HNRNPH1: variants seen among roughly 807,000 people sequenced by gnomAD.
The protein encoded by HNRNPH1 is heterogeneous nuclear ribonucleoprotein H1.
Under a neutral mutation model 58.6 loss-of-function variants are expected in HNRNPH1, and 4 were observed. The ratio of observed to expected loss-of-function variants is 0.07; its 90% confidence interval spans 0.03 to 0.16. The LOEUF (loss-of-function observed/expected upper bound fraction) is 0.16, where lower values mean the gene tolerates loss of function less well. HNRNPH1 is among the 10% of genes least tolerant of loss of function. The pLI is 1.00. For synonymous variants in HNRNPH1, 192 were observed against 189.2 expected, an observed-to-expected ratio of 1.01 and a Z score of -0.12; for missense variants, 271 against 564.2, an observed-to-expected ratio of 0.48 and a Z score of 5.26.
At chr5:179,618,101 C>T in intron 5 of HNRNPH1, 41 bp from the exon 7 acceptor site, 1 of 1,613,568 alleles carries the variant, frequency 6.2e-7, no homozygotes, top group Non-Finnish European at 8.5e-7. Context: ...AACACCTAGA[C>T]AAAGGAACAG....
intron 2 of HNRNPH1, among the ~76,000 whole-genome samples, chr5:179,631,257 A>G (rs1168211693): frequency 1.3e-5 from 2 of 152,156 alleles, no homozygotes; most frequent in Non-Finnish European, 2.9e-5. Flanking sequence ...GTGGTGGGAA[A>G]CTAGGAAAAA....
intron 2 of HNRNPH1, 28 bp from the exon 4 acceptor site, chr5:179,621,063 T>G: frequency 6.2e-7 from 1 of 1,608,566 alleles, no homozygotes; most frequent in Non-Finnish European, 8.5e-7. Context: ...AATTAGTCAC[T>G]TTTGGAAAAT....
chr5:179,630,691 C>T (rs1407703059), intron 2 of HNRNPH1, among the ~76,000 whole-genome samples: 3 of 152,030 alleles, frequency 2.0e-5, no homozygotes, highest in African/African-American at 7.2e-5. Context: ...GTGGGCGGAT[C>T]ACAAGGTCAA....
chr5:179,625,155 A>G (rs948706013), upstream of HNRNPH1, among the ~76,000 whole-genome samples: 1 of 152,174 alleles, frequency 6.6e-6, no homozygotes, highest in African/African-American at 2.4e-5. Flanking sequence ...AACTAGAAGC[A>G]CACACCTGTG....
chr5:179,618,919 A>T (rs1317597651), intron 4 of HNRNPH1: 1 of 166,038 alleles, frequency 6.0e-6, no homozygotes, highest in Admixed American at 6.4e-5. Context: ...TAAAAACAAG[A>T]TCAGAAAGTA....
rs1462778717 is a variant in HNRNPH1, at chr5:179,617,118, G to C, written c.1058-8C>G. On this transcript the variant is annotated splice_region_variant and splice_polypyrimidine_tract_variant and intron_variant, in intron 8 of 12. Coordinates refer to ENST00000356731, the Ensembl canonical transcript of HNRNPH1. Reference sequence around the variant, plus strand: ...GTTCTACATATCTGTGTTCTGAAATGAGAAAAAAAAAGTTTGAAAATGTTT... The same window carrying C: ...GTTCTACATATCTGTGTTCTGAAATCAGAAAAAAAAAGTTTGAAAATGTTT... 4 of 1,608,666 alleles carry C rather than the reference G, an allele frequency of 2.5e-6. No individual in the cohort carries two copies. The highest frequency in any genetic ancestry group is 3.4e-6 in the Non-Finnish European group (4 of 1,178,210).
chr5:179,617,395 GAATT>G (rs1770299257), intron 8 of HNRNPH1, 115 bp downstream of exon 9: 1 of 1,210,366 alleles, frequency 8.3e-7, no homozygotes, highest in African/African-American at 1.5e-5. Context: ...CATCCCCCAA[GAATT>G]AATCTATTAC....
intron 2 of HNRNPH1, among the ~76,000 whole-genome samples, chr5:179,633,206 G>A (rs1774990270): frequency 6.6e-6 from 1 of 151,514 alleles, no homozygotes; most frequent in African/African-American, 2.4e-5. Flanking sequence ...TGGTCATGCT[G>A]GTGTTGAACT....
intron 2 of HNRNPH1, among the ~76,000 whole-genome samples, chr5:179,631,571 C>T (rs1774831599): frequency 6.6e-6 from 1 of 152,082 alleles, no homozygotes; most frequent in East Asian, 1.9e-4. Context: ...CATGGTGAAA[C>T]CCCGCCTCTA....
intron 8 of HNRNPH1, 45 bp from the exon 10 acceptor site, chr5:179,617,155 A>C: frequency 6.4e-7 from 1 of 1,563,442 alleles, no homozygotes; most frequent in Middle Eastern, 1.7e-4. Context: ...TTGGTGAAAC[A>C]AAACAGAATA....
Position 179,617,127 on chromosome 5 carries a change from A to G in HNRNPH1, c.1058-17T>C, listed in dbSNP as rs186118899. The stretch of plus-strand genomic sequence containing the variant: ...ATCTGTGTTCTGAAATGAGAAAAAA[A>G]AAGTTTGAAAATGTTTGTTGGTGAA... On this transcript the variant is annotated splice_polypyrimidine_tract_variant and intron_variant, in intron 8 of 12. Coordinates refer to ENST00000356731, the Ensembl canonical transcript of HNRNPH1. 8 of 1,610,236 alleles carry G rather than the reference A, an allele frequency of 5.0e-6. No homozygotes were observed. In the African/African-American group the frequency reaches 1.1e-4, roughly 21 times the overall value.
intron 12 of HNRNPH1, 182 bp downstream of exon 13, chr5:179,615,364 T>C (rs1471132956): frequency 2.0e-6 from 1 of 503,344 alleles, no homozygotes; most frequent in Non-Finnish European, 3.6e-6. Flanking sequence ...GGGAAGTCTC[T>C]TGCTTTTCCT....
chr5:179,618,230 A>G (rs758650201), exon 5 of HNRNPH1: 3 of 1,614,082 alleles, frequency 1.9e-6, no homozygotes, highest in Admixed American at 3.3e-5. Context: ...CAGGTCTGTC[A>G]TAAGGACCTG....
At chr5:179,633,136 C>T (rs868795518) in intron 2 of HNRNPH1, among the ~76,000 whole-genome samples, 11 of 151,870 alleles carry the variant, frequency 7.2e-5, no homozygotes, top group Admixed American at 2.0e-4. Flanking sequence ...GGATTACAGG[C>T]GTGAGCCACC....
chr5:179,616,256 T>TA (rs1562216389), intron 10 of HNRNPH1, 38 bp from the exon 12 acceptor site: 2 of 1,494,384 alleles, frequency 1.3e-6, no homozygotes, highest in South Asian at 2.3e-5. Flanking sequence ...TTTTTTCTTA[T>TA]GTGATGTGGT....
upstream of HNRNPH1, among the ~76,000 whole-genome samples, chr5:179,626,838 C>T (rs1459400094): frequency 3.4e-5 from 5 of 148,290 alleles, no homozygotes; most frequent in South Asian, 2.1e-4. Flanking sequence ...TACAATGGCG[C>T]GATCTCCGCT....
At chr5:179,616,827 G>T (rs746022870) in intron 10 of HNRNPH1, 42 bp downstream of exon 11, 4 of 1,465,250 alleles carry the variant, frequency 2.7e-6, no homozygotes, top group Non-Finnish European at 3.8e-6. Flanking sequence ...GACTTATACA[G>T]ATATAAACGT....
At chr5:179,617,170 CT>C (rs1340277030) in intron 8 of HNRNPH1, 60 bp from the exon 10 acceptor site, 96 of 1,526,488 alleles carry the variant, frequency 6.3e-5, no homozygotes, top group Non-Finnish European at 8.0e-5. Context: ...AGAATAAGCA[CT>C]TTTATAAAGT....
At position 179,630,746 on chromosome 5, in the gene HNRNPH1, C is replaced by CAAAACATGGTG. The variant is rs1774762248; in HGVS notation, c.-32+3318_-32+3319insCACCATGTTTT. Among the ~76,000 whole-genome samples the CAAAACATGGTG allele has an allele frequency of 1.4e-4, 22 of 152,016 alleles. 1 individual carries two copies. Among genetic ancestry groups the CAAAACATGGTG allele is most frequent in the Admixed American group, 1.4e-3 (22 of 15,260 alleles). ...TCAACATGGTGAAACCCCGTCTCTA[C>CAAAACATGGTG]TAAAAGTACAAAAAATCAGCTGGGT... On this transcript the variant is annotated intron_variant, in intron 2 of 4. Coordinates refer to the HNRNPH1 transcript ENST00000521116.
Sources: gnomAD v4.1 joint callset for allele counts (sites outside exome capture counted in the v4.1 genomes callset) on GRCh38, gnomAD v4.1.1 for gene constraint, MANE v1.5 for transcripts, NCBI Gene and HGNC (gene_info 2026-07-23, HGNC 2026-07-21) for gene names.